The following TCEA1 variants were observed in gnomAD, a reference collection of about 807,000 sequenced individuals.
The protein encoded by TCEA1 is transcription elongation factor A protein 1.
A neutral mutation model predicts 43.8 loss-of-function variants in TCEA1; 21 were observed. That is an observed-to-expected ratio of 0.48 (90% CI 0.34 to 0.69). TCEA1 has a LOEUF of 0.69. Among genes scored for constraint, TCEA1 ranks in the 30% least tolerant of loss-of-function variants. The pLI, the probability that TCEA1 is intolerant of heterozygous loss-of-function variation, is 0.01. For synonymous variants in TCEA1, 104 were observed against 117.5 expected (o/e 0.88, Z 0.75); for missense variants, 250 against 365.1 (o/e 0.68, Z 2.57).
chr8:53,999,304 A>G (rs552875830), intron 3 of TCEA1, among the ~76,000 whole-genome samples: 3 of 152,028 alleles, frequency 2.0e-5, no homozygotes, highest in South Asian at 2.1e-4. Flanking sequence ...TAGAAAAACA[A>G]AAGAACTATA....
At chr8:53,986,555 A>G (rs1803693571) in intron 6 of TCEA1, among the ~76,000 whole-genome samples, 1 of 152,132 alleles carries the variant, frequency 6.6e-6, no homozygotes, top group South Asian at 2.1e-4. Context: ...TCTTCTAATT[A>G]TGTTATCGGT....
At position 53,980,180 on chromosome 8, in the gene TCEA1, T is replaced by A. The variant is rs969845048; in HGVS notation, c.679-1009A>T. 2.0e-5 allele frequency among the ~76,000 whole-genome samples: 3 copies of A among 152,188 alleles called. No homozygotes were observed. The East Asian group carries it at 5.8e-4, about 29-fold the overall frequency. On this transcript the variant is annotated intron_variant, in intron 7 of 9. Coordinates refer to ENST00000521604, the MANE Select transcript of TCEA1 (RefSeq NM_006756.4). ...AGTACCTCTAGTATCCAGATTATAG[T>A]TTCTAATAGCATTGCCTACACCCCA...
rs1803022820 is a variant in TCEA1, at chr8:53,967,603, GTAC to G, written c.*498_*500del. The G allele has an allele frequency of 9.9e-6, 2 of 201,014 alleles. No individual in the cohort carries two copies. The highest frequency in any genetic ancestry group is 4.6e-5 in the African/African-American group (2 of 43,534). 12.5% of individuals were successfully genotyped at this position (201,014 alleles called of 1,614,324 possible). A position where few individuals can be genotyped will look rare whatever the true frequency, so the allele number is the denominator to read the frequency against. On this transcript the variant is annotated 3_prime_UTR_variant, in exon 10 of 10. Coordinates refer to ENST00000521604, the MANE Select transcript of TCEA1 (RefSeq NM_006756.4). ...AATTCATAAGCTACCTCAAAATTAT[GTAC>G]ATTTTAGATAAGCTGGTCAAGTATT... is the stretch of plus-strand genomic sequence containing the variant.
chr8:53,970,936 ATTGTCTGTAACC>A (rs1803138098), intron 8 of TCEA1, among the ~76,000 whole-genome samples: 1 of 152,244 alleles, frequency 6.6e-6, no homozygotes, highest in Non-Finnish European at 1.5e-5. Context: ...GTTAGGCAGC[ATTGTCTGTAACC>A]TAGAAACTTG....
At chr8:53,982,737 G>C (rs890013042) in intron 7 of TCEA1, among the ~76,000 whole-genome samples, 1 of 151,988 alleles carries the variant, frequency 6.6e-6, no homozygotes, top group Admixed American at 6.6e-5. Context: ...AATAAAAGCT[G>C]AATAGATGAG....
intron 2 of TCEA1, among the ~76,000 whole-genome samples, chr8:54,003,817 T>C (rs1453206880): frequency 6.6e-6 from 1 of 151,896 alleles, no homozygotes; most frequent in East Asian, 1.9e-4. Context: ...ACTTTTGTGC[T>C]TCAATGAACA....
intron 2 of TCEA1, among the ~76,000 whole-genome samples, chr8:54,008,055 G>A (rs1804532684): frequency 6.6e-6 from 1 of 150,842 alleles, no homozygotes; most frequent in Admixed American, 6.6e-5. Flanking sequence ...GGCGGCAGGC[G>A]CCCGTAATCC....
intron 6 of TCEA1, among the ~76,000 whole-genome samples, chr8:53,986,316 G>T (rs1242519262): frequency 1.3e-5 from 2 of 152,184 alleles, no homozygotes; most frequent in African/African-American, 4.8e-5. Flanking sequence ...AGCCTGTGAT[G>T]AACATATAGG....
intron 7 of TCEA1, among the ~76,000 whole-genome samples, chr8:53,981,920 A>G (rs1803517717): frequency 7.4e-6 from 1 of 135,694 alleles, no homozygotes; most frequent in African/African-American, 3.6e-5. Flanking sequence ...ATGCCCAGCT[A>G]AGTTTTCTTT....
chr8:54,002,205 C>T (rs577231158), intron 2 of TCEA1, among the ~76,000 whole-genome samples: 2 of 151,792 alleles, frequency 1.3e-5, no homozygotes, highest in Non-Finnish European at 2.9e-5. Context: ...GGTATGGTGG[C>T]TCACGCCTGT....
chr8:53,998,701 G>C (rs1403267617), intron 3 of TCEA1, among the ~76,000 whole-genome samples: 6 of 152,010 alleles, frequency 3.9e-5, no homozygotes, highest in Non-Finnish European at 8.8e-5. Flanking sequence ...ATATTTGTTG[G>C]GCTAGGACCC....
At chr8:54,019,973 GTTTA>G (rs771751398) in intron 1 of TCEA1, among the ~76,000 whole-genome samples, 2 of 152,176 alleles carry the variant, frequency 1.3e-5, no homozygotes, top group Non-Finnish European at 2.9e-5. Flanking sequence ...TATTTGTGGA[GTTTA>G]TTCTCATTCT....
intron 8 of TCEA1, among the ~76,000 whole-genome samples, chr8:53,976,844 C>A (rs1309979579): frequency 6.6e-6 from 1 of 152,104 alleles, no homozygotes; most frequent in East Asian, 1.9e-4. Flanking sequence ...TAGTAACAAT[C>A]AGTAGTAAAA....
At chr8:53,985,062 C>G (rs1279874457) in intron 6 of TCEA1, among the ~76,000 whole-genome samples, 4 of 152,102 alleles carry the variant, frequency 2.6e-5, no homozygotes, top group South Asian at 2.1e-4. Flanking sequence ...GAGTCTCACT[C>G]TGTCACCCAG....
In TCEA1 at chr8:53,972,260, T is replaced by C. The variant is rs1440882648; in HGVS notation, c.826-1797A>G. On this transcript the variant is annotated intron_variant, in intron 8 of 9. Transcript: ENST00000521604. ...AATCTAAAAATGAAATTACAAGTAT[T>C]GGTAGAGCTTCAGGTGATGATGACA... 6 of 385,298 alleles carry C rather than the reference T, an allele frequency of 1.6e-5. No homozygotes were observed. The East Asian group carries it at 4.0e-4, about 25-fold the overall frequency. 23.9% of individuals were successfully genotyped at this position (385,298 alleles called of 1,614,324 possible). A position where few individuals can be genotyped will look rare whatever the true frequency, so the allele number is the denominator to read the frequency against.
At chr8:54,021,624 G>A (rs1004313826) in intron 1 of TCEA1, 1 of 155,242 alleles carries the variant, frequency 6.4e-6, no homozygotes, top group South Asian at 2.1e-4. Context: ...CATTTTACCA[G>A]CCCGATGTCT....
intron 8 of TCEA1, chr8:53,973,623 A>G (rs1803234806): frequency 1.4e-5 from 8 of 569,324 alleles, no homozygotes; most frequent in South Asian, 1.2e-4. Context: ...CTTCAATTAC[A>G]ACAAGATTGT....
At position 54,022,261 on chromosome 8, in the gene TCEA1, C is replaced by T. The variant is rs890009175; in HGVS notation, c.-136G>A. 115 of 1,144,166 alleles carry T rather than the reference C, an allele frequency of 1.0e-4. No homozygotes were observed. The African/African-American group carries it at 1.8e-3, about 18-fold the overall frequency. 70.9% of individuals were successfully genotyped at this position (1,144,166 alleles called of 1,614,324 possible). On this transcript the variant is annotated 5_prime_UTR_variant, in exon 1 of 10. Coordinates refer to ENST00000521604, the MANE Select transcript of TCEA1 (RefSeq NM_006756.4). ...GCAGGCCCGGGCCTAGGCCCCCTTC[C>T]TTACGAACGAAGCCCGCGGCGGCGG...
At chr8:53,977,548 A>C (rs1293533919) in intron 8 of TCEA1, among the ~76,000 whole-genome samples, 3 of 152,194 alleles carry the variant, frequency 2.0e-5, no homozygotes, top group African/African-American at 7.2e-5. Context: ...GAGTTTAGTG[A>C]TGCTATTTTT....
Sources: gnomAD v4.1 joint callset for allele counts (sites outside exome capture counted in the v4.1 genomes callset) on GRCh38, gnomAD v4.1.1 for gene constraint, MANE v1.5 for transcripts, NCBI Gene and HGNC (gene_info 2026-07-23, HGNC 2026-07-21) for gene names.